Variants in PATJ observed in about 807,000 individuals in gnomAD.
PATJ encodes the protein PATJ crumbs cell polarity complex component.
A neutral mutation model predicts 224.9 loss-of-function variants in PATJ; 190 were observed. That is an observed-to-expected ratio of 0.84 (90% CI 0.75 to 0.95). The LOEUF is 0.95. PATJ is among the 40% of genes least tolerant of loss of function. PATJ has a pLI of 0.00. For missense variants in PATJ, 2,121 were observed against 2,270.3 expected, an observed-to-expected ratio of 0.93 and a Z score of 1.34; for synonymous variants, 769 against 820.3, an observed-to-expected ratio of 0.94 and a Z score of 1.07.
chr1:62,080,936 TA>T (rs1459890335), intron 32 of PATJ, among the ~76,000 whole-genome samples: 1 of 152,204 alleles, frequency 6.6e-6, no homozygotes, highest in Admixed American at 6.5e-5. Flanking sequence ...GTTCACTTTT[TA>T]AAGGTTGAAA....
intron 17 of PATJ, among the ~76,000 whole-genome samples, chr1:61,842,779 T>A (rs7416734): frequency 2.3e-4 from 2 of 8,514 alleles, no homozygotes; most frequent in Admixed American, 1.3e-3. Context: ...AAAAAAGGAA[T>A]AGGAACAGTT....
intron 20 of PATJ, among the ~76,000 whole-genome samples, chr1:61,870,795 C>T (rs994766950): frequency 6.6e-6 from 1 of 152,130 alleles, no homozygotes. Flanking sequence ...TTTTGGGGAG[C>T]TATACTGTTC....
chr1:62,063,492 C>CT (rs146489371), intron 31 of PATJ, among the ~76,000 whole-genome samples: 1 of 151,968 alleles, frequency 6.6e-6, no homozygotes, highest in Admixed American at 6.6e-5. Flanking sequence ...TATTTAGGCC[C>CT]TTTTTTGGTG....
chr1:62,007,751 A>G (rs1324759955), intron 28 of PATJ, among the ~76,000 whole-genome samples: 1 of 152,144 alleles, frequency 6.6e-6, no homozygotes, highest in African/African-American at 2.4e-5. Context: ...TTTGCAGACA[A>G]TGTTCCTGCT....
chr1:61,750,527 C>T lies in PATJ; in HGVS notation c.-36+7972C>T, dbSNP rs552839346. ...CTCGGCTCACCACAACCTCTGCCTC[C>T]CGGGTTCGGGTGATTCTCCTGGTAC... On this transcript the variant is annotated intron_variant, in intron 1 of 43. Coordinates refer to ENST00000642238, the MANE Select transcript of PATJ (RefSeq NM_001350145.3). Among the ~76,000 whole-genome samples, 80 of 149,906 alleles carry T rather than the reference C, an allele frequency of 5.3e-4. No homozygotes were observed. In the South Asian group the frequency reaches 8.1e-3, roughly 15 times the overall value.
intron 38 of PATJ, among the ~76,000 whole-genome samples, chr1:62,122,539 A>G (rs1329655552): frequency 1.3e-5 from 2 of 151,746 alleles, no homozygotes; most frequent in Non-Finnish European, 1.5e-5. Context: ...TAGAGGACAC[A>G]GCAGGCCGGG....
intron 7 of PATJ, among the ~76,000 whole-genome samples, chr1:61,785,137 G>A (rs75149512): frequency 0.014 from 2,087 of 152,242 alleles, 44 homozygotes; most frequent in African/African-American, 0.047. Flanking sequence ...TCAGATTGTC[G>A]TCTTTAGCTT....
In PATJ at chr1:61,817,044, C is replaced by T. The variant is rs571363682; in HGVS notation, c.1684-5901C>T. Among the ~76,000 whole-genome samples, 30 of 152,274 alleles carry T rather than the reference C, an allele frequency of 2.0e-4. No individual in the cohort carries two copies. In the South Asian group the frequency reaches 5.2e-3, roughly 26 times the overall value. On this transcript the variant is annotated intron_variant, in intron 14 of 43. Coordinates refer to ENST00000642238, the MANE Select transcript of PATJ (RefSeq NM_001350145.3). The stretch of plus-strand genomic sequence containing the variant: ...GTGTGTTCTAGAAGGATATTACTTC[C>T]TCAAGACAGATGGAAGCTTATTGGT...
In PATJ at chr1:62,044,990, G is replaced by T. The variant is rs889784851; in HGVS notation, c.4033-5976G>T. 5.1e-4 allele frequency among the ~76,000 whole-genome samples: 77 copies of T among 152,196 alleles called. 2 individuals are homozygous for T. The highest frequency in any genetic ancestry group is 4.4e-5 in the Non-Finnish European group (3 of 68,034). ...CCCGACACTCTGGGAGGCCGAGGCTGGCGGATCACCTGAGGTCAGGAGTTC... is the reference window on the plus strand; with the variant it reads ...CCCGACACTCTGGGAGGCCGAGGCTTGCGGATCACCTGAGGTCAGGAGTTC... On this transcript the variant is annotated intron_variant, in intron 30 of 43. Coordinates refer to ENST00000642238, the MANE Select transcript of PATJ (RefSeq NM_001350145.3).
At chr1:61,753,149 G>T (rs186692127) in intron 1 of PATJ, among the ~76,000 whole-genome samples, 3 of 152,244 alleles carry the variant, frequency 2.0e-5, no homozygotes, top group African/African-American at 7.2e-5. Flanking sequence ...AAAAACTTCA[G>T]AAATCATGAC....
intron 30 of PATJ, among the ~76,000 whole-genome samples, chr1:62,043,533 A>G (rs1651920887): frequency 6.6e-6 from 1 of 152,214 alleles, no homozygotes; most frequent in Non-Finnish European, 1.5e-5. Flanking sequence ...CTGGCACATG[A>G]TAAGACCTCA....
intron 27 of PATJ, among the ~76,000 whole-genome samples, chr1:61,974,604 A>G (rs960208757): frequency 2.6e-5 from 4 of 151,812 alleles, no homozygotes; most frequent in Non-Finnish European, 4.4e-5. Context: ...CTCTGTCTCA[A>G]AAAACAAACA....
intron 27 of PATJ, among the ~76,000 whole-genome samples, chr1:61,953,869 T>C (rs556595125): frequency 1.3e-5 from 2 of 152,346 alleles, no homozygotes; most frequent in East Asian, 1.9e-4. Context: ...TTTCTTAATC[T>C]CTACCACACT....
chr1:62,129,665 G>C (rs1291876417), intron 41 of PATJ, among the ~76,000 whole-genome samples: 1 of 152,230 alleles, frequency 6.6e-6, no homozygotes, highest in Non-Finnish European at 1.5e-5. Context: ...AGGTGGCTAG[G>C]CGCGGTGGCC....
At chr1:62,122,471 T>G (rs1419676997) in intron 38 of PATJ, among the ~76,000 whole-genome samples, 1 of 151,864 alleles carries the variant, frequency 6.6e-6, no homozygotes, top group Non-Finnish European at 1.5e-5. Context: ...CCATCCACTT[T>G]TGTCAGACCA....
Position 62,067,081 on chromosome 1 carries a change from C to T in PATJ, c.4126-12369C>T, listed in dbSNP as rs187911057. On this transcript the variant is annotated intron_variant, in intron 31 of 43. Coordinates refer to ENST00000642238, the MANE Select transcript of PATJ (RefSeq NM_001350145.3). ...AAGGGATTATAGAAATTATGCCTCT[C>T]TTAGCAAAGAGTTCAGGCCCCTCTC... 7.0e-3 allele frequency among the ~76,000 whole-genome samples: 1,055 copies of T among 150,214 alleles called. 9 individuals are homozygous for T. The highest frequency in any genetic ancestry group is 8.6e-3 in the Non-Finnish European group (583 of 67,682).
At chr1:61,975,964 A>G (rs1463889989) in intron 27 of PATJ, among the ~76,000 whole-genome samples, 1 of 151,974 alleles carries the variant, frequency 6.6e-6, no homozygotes, top group Non-Finnish European at 1.5e-5. Flanking sequence ...ATTATTTTCT[A>G]TTACCACATG....
chr1:62,075,068 TC>T lies in PATJ; in HGVS notation c.4126-4380del, dbSNP rs533699030. Among the ~76,000 whole-genome samples the T allele has an allele frequency of 5.8e-3, 887 of 152,356 alleles. 3 individuals carry two copies. The highest frequency in any genetic ancestry group is 8.9e-3 in the Non-Finnish European group (607 of 68,036). On this transcript the variant is annotated intron_variant, in intron 31 of 43. Transcript: ENST00000642238. Reference sequence around the variant, plus strand: ...CATAGAATTTTAGAGCTAGGGCGAATCCTAAATATCATCTTACATTCTTCTT... The same window carrying T: ...CATAGAATTTTAGAGCTAGGGCGAATCTAAATATCATCTTACATTCTTCTT...
chr1:61,851,108 G>T (rs1662743040), intron 17 of PATJ, among the ~76,000 whole-genome samples: 1 of 152,112 alleles, frequency 6.6e-6, no homozygotes, highest in South Asian at 2.1e-4. Context: ...CTTACTTTTA[G>T]TAGGAAGTAA....
Sources: gnomAD v4.1 joint callset for allele counts (sites outside exome capture counted in the v4.1 genomes callset) on GRCh38, gnomAD v4.1.1 for gene constraint, MANE v1.5 for transcripts, NCBI Gene and HGNC (gene_info 2026-07-23, HGNC 2026-07-21) for gene names.